EXOC4: variants seen among roughly 807,000 people sequenced by gnomAD.
EXOC4 encodes exocyst complex component 4.
EXOC4 carries 71 observed loss-of-function variants against 107.2 expected under a neutral mutation model. The observed-to-expected ratio is 0.66, with a 90% CI of 0.55 to 0.81. The LOEUF (loss-of-function observed/expected upper bound fraction) is 0.81. Ranked by LOEUF, EXOC4 falls within the 30% of genes least tolerant of loss-of-function variation. EXOC4 has a pLI of 0.00. For synonymous variants in EXOC4, 456 were observed against 441.2 expected (o/e 1.03, Z -0.42); for missense variants, 1,108 against 1,189.6 (o/e 0.93, Z 1.01).
chr7:133,881,288 A>G (rs1051990868), intron 11 of EXOC4, among the ~76,000 whole-genome samples: 1 of 137,252 alleles, frequency 7.3e-6, no homozygotes, highest in African/African-American at 2.8e-5. Context: ...TCCCCCACAT[A>G]CCCCCTTCAC....
At chr7:133,716,206 A>G (rs1794994970) in intron 10 of EXOC4, among the ~76,000 whole-genome samples, 1 of 152,236 alleles carries the variant, frequency 6.6e-6, no homozygotes, top group Non-Finnish European at 1.5e-5. Flanking sequence ...TTTATTGAAT[A>G]CTTACAATGT....
chr7:133,645,715 C>T (rs1802973848), intron 10 of EXOC4, among the ~76,000 whole-genome samples: 1 of 152,092 alleles, frequency 6.6e-6, no homozygotes, highest in Admixed American at 6.6e-5. Context: ...AGGTTTTGTG[C>T]TCCTGTGTAC....
chr7:133,934,192 G>GA (rs1401541949), intron 13 of EXOC4, among the ~76,000 whole-genome samples: 2 of 152,058 alleles, frequency 1.3e-5, no homozygotes, highest in African/African-American at 2.4e-5. Flanking sequence ...AGAGGGATTG[G>GA]AAAAAAATCT....
chr7:133,808,336 C>T (rs1325307570), intron 10 of EXOC4, among the ~76,000 whole-genome samples: 10 of 151,860 alleles, frequency 6.6e-5, no homozygotes, highest in African/African-American at 1.9e-4. Context: ...GATTTTTTTT[C>T]GGTTTTCATG....
chr7:133,658,280 C>G (rs1192344217), intron 10 of EXOC4, among the ~76,000 whole-genome samples: 1 of 152,118 alleles, frequency 6.6e-6, no homozygotes, highest in South Asian at 2.1e-4. Flanking sequence ...TTAGCTCTTG[C>G]ACTTTCTCAC....
chr7:133,424,325 G>A (rs1797674746), intron 7 of EXOC4, among the ~76,000 whole-genome samples: 2 of 151,976 alleles, frequency 1.3e-5, no homozygotes, highest in South Asian at 2.1e-4. Flanking sequence ...GCGAGACCAC[G>A]AACCCACCAG....
intron 9 of EXOC4, among the ~76,000 whole-genome samples, chr7:133,552,623 A>G (rs12707097): frequency 1 from 151,590 of 152,162 alleles, 75,516 homozygotes; most frequent in East Asian, 1. Flanking sequence ...GAAACTCAGT[A>G]GTGACTTAGA....
chr7:133,997,552 T>C lies in EXOC4; in HGVS notation c.2267T>C (p.Ile756Thr). The C allele has an allele frequency of 1.9e-6, 3 of 1,613,752 alleles. No individual in the cohort carries two copies. The highest frequency in any genetic ancestry group is 2.5e-6 in the Non-Finnish European group (3 of 1,179,790). ...GATCTCCCCCCAGTGTCAGAGCAGATCATGCAGACTCTCAGTGAACTTGCC... is the reference window on the plus strand; with the variant it reads ...GATCTCCCCCCAGTGTCAGAGCAGACCATGCAGACTCTCAGTGAACTTGCC... ...NTDLPPVSEQ[I>T]MQTLSELAKS... The change falls in exon 15 of 18, where the codon ATC (isoleucine) becomes ACC (threonine). Residue 756 changes from isoleucine (I) to threonine (T), a missense_variant. Coordinates refer to ENST00000253861, the MANE Select transcript of EXOC4 (RefSeq NM_021807.4).
chr7:133,767,453 A>G lies in EXOC4; in HGVS notation c.1515-49872A>G, dbSNP rs547093574. Among the ~76,000 whole-genome samples the G allele has an allele frequency of 3.9e-5, 6 of 152,024 alleles. No individual in the cohort carries two copies. The East Asian group carries it at 9.7e-4, about 25-fold the overall frequency. Reference sequence around the variant, plus strand: ...TGGCCTTTTATATACACACACACACATACACACACACCCCTTATATATGTG... The same window carrying G: ...TGGCCTTTTATATACACACACACACGTACACACACACCCCTTATATATGTG... On this transcript the variant is annotated intron_variant, in intron 10 of 17. Coordinates refer to ENST00000253861, the MANE Select transcript of EXOC4 (RefSeq NM_021807.4).
chr7:133,494,481 C>T (rs940547403), intron 9 of EXOC4, among the ~76,000 whole-genome samples: 30 of 152,204 alleles, frequency 2.0e-4, no homozygotes, highest in African/African-American at 6.3e-4. Context: ...TGGGATGAAT[C>T]ATTCGCTCAT....
intron 7 of EXOC4, among the ~76,000 whole-genome samples, chr7:133,453,569 C>T (rs1356660977): frequency 6.6e-6 from 1 of 152,046 alleles, no homozygotes; most frequent in East Asian, 1.9e-4. Flanking sequence ...TAGAAAGTAT[C>T]CAGAGAATCT....
At chr7:133,601,297 T>C (rs184850499) in intron 9 of EXOC4, among the ~76,000 whole-genome samples, 15 of 152,274 alleles carry the variant, frequency 9.9e-5, no homozygotes, top group African/African-American at 2.4e-4. Flanking sequence ...GCTTTCTGTT[T>C]ATTAGTGGAA....
At chr7:133,421,134 A>C (rs533701134) in intron 7 of EXOC4, among the ~76,000 whole-genome samples, 3 of 152,156 alleles carry the variant, frequency 2.0e-5, no homozygotes, top group African/African-American at 7.2e-5. Flanking sequence ...CTTCTCTTAC[A>C]GGGCTGTTGT....
chr7:133,758,778 T>C (rs1185664443), intron 10 of EXOC4, among the ~76,000 whole-genome samples: 2 of 152,242 alleles, frequency 1.3e-5, no homozygotes, highest in Non-Finnish European at 2.9e-5. Flanking sequence ...GATGATTCTT[T>C]ATTAATCTTT....
rs145293745 is a variant in EXOC4 at position 133,971,066 on chromosome 7, G to C, written c.2207-26426G>C. 5.5e-3 allele frequency among the ~76,000 whole-genome samples: 834 copies of C among 151,952 alleles called. 3 individuals carry two copies. The highest frequency in any genetic ancestry group is 0.017 in the Middle Eastern group (5 of 294). ...TGTAGTGCCTTCATGAGATATAGAGGTTATAAACTCCAGAGAAATGAAATA... is the reference window on the plus strand; with the variant it reads ...TGTAGTGCCTTCATGAGATATAGAGCTTATAAACTCCAGAGAAATGAAATA... On this transcript the variant is annotated intron_variant, in intron 14 of 17. Coordinates refer to ENST00000253861, the MANE Select transcript of EXOC4 (RefSeq NM_021807.4).
At chr7:134,018,692 A>G (rs1794963491) in intron 17 of EXOC4, among the ~76,000 whole-genome samples, 1 of 151,382 alleles carries the variant, frequency 6.6e-6, no homozygotes, top group Admixed American at 6.6e-5. Flanking sequence ...ATTTGTTCCC[A>G]TCTTTTAATA....
At chr7:133,776,092 A>G (rs1796339825) in intron 10 of EXOC4, among the ~76,000 whole-genome samples, 2 of 152,190 alleles carry the variant, frequency 1.3e-5, no homozygotes, top group Admixed American at 6.5e-5. Context: ...GCTGGGCTAG[A>G]AAGCTAAAGC....
the EXOC4 span, among the ~76,000 whole-genome samples, chr7:134,077,995 A>G: frequency 6.6e-6 from 1 of 152,208 alleles, no homozygotes; most frequent in Non-Finnish European, 1.5e-5. Context: ...AGCACATTAG[A>G]TAATATTATC....
At chr7:133,517,972 T>A (rs1799911040) in intron 9 of EXOC4, among the ~76,000 whole-genome samples, 1 of 151,922 alleles carries the variant, frequency 6.6e-6, no homozygotes, top group African/African-American at 2.4e-5. Context: ...ACTATGTAGT[T>A]CTTATGATTT....
Sources: allele counts gnomAD v4.1 joint callset (sites outside exome capture counted in the v4.1 genomes callset), GRCh38; gene constraint gnomAD v4.1.1; transcripts MANE v1.5; gene names NCBI Gene and HGNC (gene_info 2026-07-23, HGNC 2026-07-21).